The following KCNIP3 variants were observed in gnomAD, a reference collection of about 807,000 sequenced individuals.
The protein encoded by KCNIP3 is potassium voltage-gated channel interacting protein 3.
A neutral mutation model predicts 35.0 loss-of-function variants in KCNIP3; 28 were observed. The ratio of observed to expected loss-of-function variants is 0.80; its 90% CI spans 0.59 to 1.10. The LOEUF (loss-of-function observed/expected upper bound fraction) is 1.10. Ranked by LOEUF, KCNIP3 falls within the 50% of genes least tolerant of loss-of-function variation. The pLI is 0.00. For synonymous variants in KCNIP3, 134 were observed against 133.8 expected (o/e 1.00, Z -0.01); for missense variants, 295 against 338.4 (o/e 0.87, Z 1.01).
chr2:95,351,661 A>G (rs557986506), intron 2 of KCNIP3, among the ~76,000 whole-genome samples: 2 of 152,318 alleles, frequency 1.3e-5, no homozygotes, highest in African/African-American at 2.4e-5. Flanking sequence ...AACCAAAACA[A>G]ATTTACTGTC....
In KCNIP3 at chr2:95,310,435, G is replaced by A; in HGVS notation, c.96G>A (p.Trp32Ter). 1.9e-6 allele frequency: 3 copies of A among 1,614,000 alleles called. No homozygotes were observed. The highest frequency in any genetic ancestry group is 2.5e-6 in the Non-Finnish European group (3 of 1,179,968). Residue 32 changes from tryptophan to a stop codon, truncating the protein, a stop_gained, in exon 2 of 9, where the codon TGG becomes TGA. Coordinates refer to ENST00000295225, the MANE Select transcript of KCNIP3 (RefSeq NM_013434.5). LOFTEE classifies it high-confidence loss of function. The stretch of plus-strand genomic sequence containing the variant: ...TTAGCAAGAAGGAGGGTATCAAGTG[G>A]CAGAGGCCGAGGCTCAGCCGCCAGG... The part of the protein sequence containing the change: ...TPLSKKEGIK[W>*]QRPRLSRQAL...
At chr2:95,329,188 G>A (rs1320085518) in intron 2 of KCNIP3, among the ~76,000 whole-genome samples, 1 of 149,026 alleles carries the variant, frequency 6.7e-6, no homozygotes, top group Non-Finnish European at 1.5e-5. Flanking sequence ...TCCGTGCACA[G>A]TAAGTGCCTA....
intron 2 of KCNIP3, among the ~76,000 whole-genome samples, chr2:95,362,107 T>C (rs1043267952): frequency 6.6e-6 from 1 of 151,736 alleles, no homozygotes; most frequent in African/African-American, 2.4e-5. Context: ...CTACCCTTTT[T>C]TTTTTCTTTT....
chr2:95,308,827 C>T lies in KCNIP3; in HGVS notation c.16-1528C>T, dbSNP rs185061166. 9.8e-5 allele frequency among the ~76,000 whole-genome samples: 15 copies of T among 152,358 alleles called. No individual in the cohort carries two copies. In the East Asian group the frequency reaches 2.9e-3, roughly 29 times the overall value. On this transcript the variant is annotated intron_variant, in intron 1 of 8. Coordinates refer to ENST00000295225, the MANE Select transcript of KCNIP3 (RefSeq NM_013434.5). ...TCTCTGGCTCTTGCACCTGACAGTC[C>T]AACTAGCACAGGGGCTGTCTTCCAG...
At chr2:95,367,530 A>G (rs1679944957) in intron 2 of KCNIP3, among the ~76,000 whole-genome samples, 1 of 152,148 alleles carries the variant, frequency 6.6e-6, no homozygotes, top group South Asian at 2.1e-4. Context: ...CATCATTTGA[A>G]TCCTCCGTGA....
chr2:95,355,595 G>A (rs954896500), intron 2 of KCNIP3, among the ~76,000 whole-genome samples: 1 of 152,186 alleles, frequency 6.6e-6, no homozygotes, highest in Admixed American at 6.5e-5. Flanking sequence ...AACATGCGGT[G>A]TTTGGTTTTC....
chr2:95,321,405 C>T (rs554732996), intron 2 of KCNIP3, among the ~76,000 whole-genome samples: 15 of 152,286 alleles, frequency 9.8e-5, no homozygotes, highest in South Asian at 6.2e-4. Context: ...GCAGGCGCCC[C>T]GGATGGAGCC....
At position 95,376,092 on chromosome 2, in the gene KCNIP3, G is replaced by T. The variant is rs1037295461; in HGVS notation, c.447+884G>T. ...CTGCCCTGTGACCACAGGACCCCTCGACTCTGAGCCACACTCTGAGGGCTC... is the reference window on the plus strand; with the variant it reads ...CTGCCCTGTGACCACAGGACCCCTCTACTCTGAGCCACACTCTGAGGGCTC... On this transcript the variant is annotated intron_variant, in intron 5 of 8. Coordinates refer to ENST00000295225, the MANE Select transcript of KCNIP3 (RefSeq NM_013434.5). This position sits in a 1 kb window ranked among gnomAD's most constrained non-coding sequence, Gnocchi z 4.2. Among the ~76,000 whole-genome samples the T allele has an allele frequency of 1.3e-5, 2 of 152,196 alleles. No homozygotes were observed. The highest frequency in any genetic ancestry group is 4.8e-5 in the African/African-American group (2 of 41,438).
chr2:95,301,866 G>T (rs1419466768), intron 1 of KCNIP3, among the ~76,000 whole-genome samples: 1 of 152,196 alleles, frequency 6.6e-6, no homozygotes, highest in Non-Finnish European at 1.5e-5. Context: ...GTGTGTGTGT[G>T]TGTGTGTGTG....
In KCNIP3 at chr2:95,310,421, G is replaced by A. The variant is rs1256218818; in HGVS notation, c.82G>A (p.Glu28Lys). The change falls in exon 2 of 9, where the codon GAG (glutamate) becomes AAG (lysine). Residue 28 changes from glutamate (E) to lysine (K), a missense_variant. Coordinates refer to ENST00000295225, the MANE Select transcript of KCNIP3 (RefSeq NM_013434.5). ...DLGHTPLSKK[E>K]GIKWQRPRLS... The stretch of plus-strand genomic sequence containing the variant: ...CGGGCACACACCACTTAGCAAGAAG[G>A]AGGGTATCAAGTGGCAGAGGCCGAG... 1.2e-6 allele frequency: 2 copies of A among 1,613,974 alleles called. No homozygotes were observed. The highest frequency in any genetic ancestry group is 1.7e-6 in the Non-Finnish European group (2 of 1,179,968).
At chr2:95,372,825 A>T (rs1680071213) in intron 2 of KCNIP3, among the ~76,000 whole-genome samples, 2 of 152,198 alleles carry the variant, frequency 1.3e-5, no homozygotes, top group Admixed American at 1.3e-4. Context: ...GATGGTATGA[A>T]ATAGTTATCT....
chr2:95,353,140 T>G (rs1329459576), intron 2 of KCNIP3, among the ~76,000 whole-genome samples: 1 of 151,648 alleles, frequency 6.6e-6, no homozygotes, highest in African/African-American at 2.4e-5. Flanking sequence ...GGGGCAGGAG[T>G]GTCTCCTAGT....
chr2:95,345,665 A>C (rs1679333730), intron 2 of KCNIP3, among the ~76,000 whole-genome samples: 1 of 152,228 alleles, frequency 6.6e-6, no homozygotes, highest in African/African-American at 2.4e-5. Context: ...TGCCGCGCTG[A>C]GTCCGTCCGG....
chr2:95,310,322 G>C, intron 1 of KCNIP3, 33 bp from the exon 2 acceptor site: 1 of 1,612,666 alleles, frequency 6.2e-7, no homozygotes, highest in South Asian at 1.1e-5. Context: ...TCTGAGCAGG[G>C]GCTCAGGGCT....
intron 4 of KCNIP3, 82 bp from the exon 5 acceptor site, chr2:95,375,044 ACGCAGTTAGCAC>A (rs1680145491): frequency 6.6e-7 from 1 of 1,517,542 alleles, no homozygotes; most frequent in Non-Finnish European, 9.1e-7. Context: ...CCAAGCCAGG[ACGCAGTTAGCAC>A]CCTCAGCTGG....
chr2:95,363,439 T>A (rs984858769), intron 2 of KCNIP3, among the ~76,000 whole-genome samples: 7 of 152,252 alleles, frequency 4.6e-5, no homozygotes, highest in African/African-American at 1.7e-4. Context: ...CTCTCTGGTC[T>A]GTTTGTTGGT....
intron 2 of KCNIP3, among the ~76,000 whole-genome samples, chr2:95,364,622 G>A (rs1254796723): frequency 6.6e-6 from 1 of 152,114 alleles, no homozygotes; most frequent in African/African-American, 2.4e-5. Context: ...ATGAGTTCAT[G>A]TGAAATCTGA....
At chr2:95,361,832 C>T (rs1422368398) in intron 2 of KCNIP3, among the ~76,000 whole-genome samples, 3 of 152,236 alleles carry the variant, frequency 2.0e-5, no homozygotes, top group Admixed American at 6.5e-5. Context: ...ATCCCTGCTG[C>T]GGTCACCCTG....
chr2:95,383,334 C>T, intron 8 of KCNIP3, 40 bp downstream of exon 8: 1 of 1,597,490 alleles, frequency 6.3e-7, no homozygotes, highest in Non-Finnish European at 8.6e-7. Context: ...TCTCTGCAGG[C>T]TCTACACGGA....
Sources: gnomAD v4.1 joint callset for allele counts (sites outside exome capture counted in the v4.1 genomes callset) on GRCh38, gnomAD v4.1.1 for gene constraint, Gnocchi (gnomAD v3.1) non-coding constraint, MANE v1.5 for transcripts, NCBI Gene and HGNC (gene_info 2026-07-23, HGNC 2026-07-21) for gene names.